ICE1: variants seen among roughly 807,000 people sequenced by gnomAD.
The protein encoded by ICE1 is interactor of little elongation complex ELL subunit 1, also known as little elongation complex subunit 1.
In ICE1, 64 loss-of-function variants were observed where a neutral mutation model predicts 192.7. The ratio of observed to expected loss-of-function variants is 0.33; its 90% confidence interval spans 0.27 to 0.41. ICE1 has a LOEUF of 0.41. Ranked by LOEUF, ICE1 falls within the 10% of genes least tolerant of loss-of-function variation. The pLI is 1.00. For missense variants in ICE1, 2,708 were observed against 2,696.0 expected (o/e 1.00, Z -0.10); for synonymous variants, 1,010 against 984.5 (o/e 1.03, Z -0.49).
chr5:5,422,872 G>A lies in ICE1; in HGVS notation c.-44G>A. The A allele has an allele frequency of 7.9e-7, 1 of 1,264,990 alleles. No homozygotes were observed. The highest frequency in any genetic ancestry group is 1.0e-6 in the Non-Finnish European group (1 of 1,000,376). The allele number at this position is 1,264,990 out of a possible 1,614,324, so 78.4% of individuals were successfully genotyped here. A position where few individuals can be genotyped will look rare whatever the true frequency, so the allele number is the denominator to read the frequency against. Reference sequence around the variant, plus strand: ...AGAGACAGGACGGGGCCGACGCCGCGGGCCCCTGAGGCGTGCGTGCCCACC... The same window carrying A: ...AGAGACAGGACGGGGCCGACGCCGCAGGCCCCTGAGGCGTGCGTGCCCACC... On this transcript the variant is annotated 5_prime_UTR_variant, in exon 1 of 19. Transcript: ENST00000296564.
chr5:5,472,073 G>A (rs1392325611), intron 15 of ICE1, among the ~76,000 whole-genome samples: 2 of 152,126 alleles, frequency 1.3e-5, no homozygotes, highest in Non-Finnish European at 2.9e-5. Flanking sequence ...ATTGATGAAT[G>A]TTAGTTAACT....
chr5:5,463,437 A>C lies in ICE1; in HGVS notation c.4103A>C (p.Glu1368Ala). The C allele has an allele frequency of 6.2e-7, 1 of 1,613,196 alleles. No homozygotes were observed. Among genetic ancestry groups the C allele is most frequent in the Non-Finnish European group, 8.5e-7 (1 of 1,179,550 alleles). The change falls in exon 13 of 19, where the codon GAG becomes GCG. Residue 1368 changes from glutamate (E) to alanine (A), a missense_variant. This residue lies in a region of ICE1 where 2,366 missense variants were observed against 2,276.6 expected (regional missense o/e 1.04). Transcript: ENST00000296564. ...GGEEDLPEPVEPSALCSDSVM... is the reference protein window; with the variant it reads ...GGEEDLPEPVAPSALCSDSVM... ...GAAGAAGACCTGCCAGAACCTGTGG[A>C]GCCATCAGCCTTGTGCTCTGACTCT...
In ICE1 at chr5:5,457,525, C is replaced by G. The variant is rs1339169619; in HGVS notation, c.885C>G (p.Asp295Glu). ...QSSSGTNCSS[D>E]HVFNENGNLE... is the part of the protein sequence containing the mutation. Reference sequence around the variant, plus strand: ...CCAGTGGAACAAATTGTAGTTCTGACCATGTTTTTAATGAGAATGGAAATC... The same window carrying G: ...CCAGTGGAACAAATTGTAGTTCTGAGCATGTTTTTAATGAGAATGGAAATC... The change falls in exon 12 of 19, where the codon GAC becomes GAG. Residue 295 changes from aspartate to glutamate, a missense_variant. Coordinates refer to ENST00000296564, the MANE Select transcript of ICE1 (RefSeq NM_015325.3). The G allele has an allele frequency of 1.9e-6, 3 of 1,613,860 alleles. No individual in the cohort carries two copies. Among genetic ancestry groups the G allele is most frequent in the Admixed American group, 3.3e-5 (2 of 60,018 alleles).
intron 1 of ICE1, among the ~76,000 whole-genome samples, chr5:5,431,353 G>C (rs1737704228): frequency 6.6e-6 from 1 of 152,148 alleles, no homozygotes; most frequent in Admixed American, 6.5e-5. Context: ...AATGTTTTCA[G>C]TCTTTCATTT....
At chr5:5,426,140 T>G (rs1737510765) in intron 1 of ICE1, among the ~76,000 whole-genome samples, 1 of 152,230 alleles carries the variant, frequency 6.6e-6, no homozygotes, top group South Asian at 2.1e-4. Flanking sequence ...AGATGTGCAC[T>G]GTGTTCAGTG....
chr5:5,447,756 A>G lies in ICE1; in HGVS notation c.543A>G (p.Glu181=), dbSNP rs990843309. Reference sequence around the variant, plus strand: ...ACGAATTTTCTAAACAGAAAAATGAAAAGGGTGAGTATTCAGTTAATGCTT... The same window carrying G: ...ACGAATTTTCTAAACAGAAAAATGAGAAGGGTGAGTATTCAGTTAATGCTT... ...RLDEFSKQKN[E]KELRHIGTQI... is the part of the protein sequence containing the mutation. The change falls in exon 9 of 19, where the codon GAA becomes GAG. Residue 181 remains glutamate (E), a synonymous_variant. Coordinates refer to ENST00000296564, the MANE Select transcript of ICE1 (RefSeq NM_015325.3). 14 of 1,585,068 alleles carry G rather than the reference A, an allele frequency of 8.8e-6. No homozygotes were observed. The African/African-American group carries it at 1.2e-4, about 14-fold the overall frequency.
Position 5,463,009 on chromosome 5 carries a change from G to T in ICE1, c.3675G>T (p.Glu1225Asp), listed in dbSNP as rs185073449. 3.3e-5 allele frequency: 53 copies of T among 1,613,750 alleles called. No individual in the cohort carries two copies. In the African/African-American group the frequency reaches 6.7e-4, roughly 20 times the overall value. ...IGEKYRKQPC[E>D]EETLGTCEEW... ...AAAAATACAGAAAGCAACCCTGTGA[G>T]GAAGAAACACTTGGAACCTGTGAAG... is the stretch of plus-strand genomic sequence containing the variant. Residue 1225 changes from glutamate to aspartate, a missense_variant, in exon 13 of 19, where the codon GAG (glutamate) becomes GAT (aspartate). By Grantham distance (45) the Glu-to-Asp change is conservative. Transcript: ENST00000296564.
chr5:5,447,005 A>G (rs527404545), intron 7 of ICE1, among the ~76,000 whole-genome samples: 2 of 152,350 alleles, frequency 1.3e-5, no homozygotes, highest in African/African-American at 2.4e-5. Flanking sequence ...AACCATATCT[A>G]TAATAAGCAT....
rs756400899 is a variant in ICE1 at position 5,463,453 on chromosome 5, C to T, written c.4119C>T (p.Cys1373=). 6.2e-7 allele frequency: 1 copy of T among 1,612,740 alleles called. No homozygotes were observed. Among genetic ancestry groups the T allele is most frequent in the Non-Finnish European group, 8.5e-7 (1 of 1,179,312 alleles). Residue 1373 remains cysteine, a synonymous_variant, in exon 13 of 19, where the codon TGC becomes TGT. Coordinates refer to ENST00000296564, the MANE Select transcript of ICE1 (RefSeq NM_015325.3). ...LPEPVEPSAL[C]SDSVMEPSIE... ...AACCTGTGGAGCCATCAGCCTTGTG[C>T]TCTGACTCTGTGATGGAGCCATCCA...
intron 10 of ICE1, among the ~76,000 whole-genome samples, chr5:5,448,818 A>G (rs1272249589): frequency 1.3e-5 from 2 of 152,120 alleles, no homozygotes; most frequent in Non-Finnish European, 2.9e-5. Context: ...AACAGTTCCC[A>G]CCTTTCAGCT....
Position 5,460,726 on chromosome 5 carries a change from G to C in ICE1, c.1392G>C (p.Trp464Cys). ...ACTCCTTAGTTGGTGAAAAACACTGGACCACAGCATCTCGATCCATGAGTG... is the reference window on the plus strand; with the variant it reads ...ACTCCTTAGTTGGTGAAAAACACTGCACCACAGCATCTCGATCCATGAGTG... ...ATHSLVGEKH[W>C]TTASRSMSDR... Residue 464 changes from tryptophan (W) to cysteine (C), a missense_variant, in exon 13 of 19, where the codon TGG (tryptophan) becomes TGC (cysteine). Trp to Cys is a radical substitution (Grantham distance 215). Transcript: ENST00000296564. 1.9e-6 allele frequency: 3 copies of C among 1,613,924 alleles called. No individual in the cohort carries two copies. Among genetic ancestry groups the C allele is most frequent in the Non-Finnish European group, 2.5e-6 (3 of 1,179,894 alleles).
At position 5,447,703 on chromosome 5, in the gene ICE1, A is replaced by G; in HGVS notation, c.508-18A>G. 1 of 1,560,510 alleles carries G rather than the reference A, an allele frequency of 6.4e-7. No individual in the cohort carries two copies. The highest frequency in any genetic ancestry group is 1.4e-5 in the African/African-American group (1 of 73,886). ...CTTCTTATTCAGCATAAACACTATT[A>G]ATATTTTGTTTTCACAGGAAAGGCT... On this transcript the variant is annotated intron_variant, in intron 8 of 18. Coordinates refer to ENST00000296564, the MANE Select transcript of ICE1 (RefSeq NM_015325.3).
rs200637110 is a variant in ICE1, at chr5:5,447,909, G to T, written c.604+12G>T. 6.4e-7 allele frequency: 1 copy of T among 1,550,560 alleles called. No homozygotes were observed. The highest frequency in any genetic ancestry group is 2.4e-5 in the East Asian group (1 of 42,030). ...AAGCATAGATAAAAGTGAGTATATT[G>T]CAACTTTTGTTTTAATGTTGTGTAT... is the stretch of plus-strand genomic sequence containing the variant. On this transcript the variant is annotated intron_variant, in intron 10 of 18. Coordinates refer to ENST00000296564, the MANE Select transcript of ICE1 (RefSeq NM_015325.3).
intron 12 of ICE1, among the ~76,000 whole-genome samples, chr5:5,460,235 C>T (rs1248653567): frequency 6.6e-6 from 1 of 152,108 alleles, no homozygotes; most frequent in Non-Finnish European, 1.5e-5. Context: ...TGCTGGGCAC[C>T]CTTAAGGAGA....
At chr5:5,429,874 T>C (rs147542485) in intron 1 of ICE1, among the ~76,000 whole-genome samples, 176 of 152,184 alleles carry the variant, frequency 1.2e-3, no homozygotes, top group African/African-American at 4.0e-3. Flanking sequence ...GAGAAGTAAA[T>C]GGGAAACAAA....
In ICE1 at chr5:5,461,483, G is replaced by T; in HGVS notation, c.2149G>T (p.Asp717Tyr). ...SPELGASNFN[D>Y]QKSSGIEYTK... ...TGAATTGGGAGCATCTAATTTTAAT[G>T]ATCAGAAGAGCAGTGGGATAGAATA... Residue 717 changes from aspartate (D) to tyrosine (Y), a missense_variant, in exon 13 of 19, where the codon GAT becomes TAT. By Grantham distance (160) the Asp-to-Tyr change is radical (BLOSUM62 -3). Coordinates refer to ENST00000296564, the MANE Select transcript of ICE1 (RefSeq NM_015325.3). The T allele has an allele frequency of 6.2e-7, 1 of 1,613,948 alleles. No homozygotes were observed. The highest frequency in any genetic ancestry group is 8.5e-7 in the Non-Finnish European group (1 of 1,179,870).
chr5:5,482,775 A>AACACACACACACACACAC (rs70965943), intron 17 of ICE1, among the ~76,000 whole-genome samples: 2 of 136,080 alleles, frequency 1.5e-5, no homozygotes, highest in Admixed American at 7.5e-5. Flanking sequence ...CCCACCCCCC[A>AACACACACACACACACAC]ACACACACAC....
chr5:5,451,181 A>G (rs1309087295), intron 10 of ICE1, among the ~76,000 whole-genome samples: 2 of 152,214 alleles, frequency 1.3e-5, no homozygotes, highest in Non-Finnish European at 1.5e-5. Flanking sequence ...CTCTTTGGTA[A>G]CAGAGAAAAT....
At chr5:5,458,721 G>A (rs1446341324) in intron 12 of ICE1, among the ~76,000 whole-genome samples, 6 of 152,132 alleles carry the variant, frequency 3.9e-5, no homozygotes, top group Non-Finnish European at 8.8e-5. Flanking sequence ...CCTGAAGGGG[G>A]AAATCTTTGA....
Sources: allele counts gnomAD v4.1 joint callset (sites outside exome capture counted in the v4.1 genomes callset), GRCh38; gene constraint gnomAD v4.1.1; regional missense constraint gnomAD v4.1.1; transcripts MANE v1.5; gene names NCBI Gene and HGNC (gene_info 2026-07-23, HGNC 2026-07-21).